The following DGAT2 variants were observed in gnomAD, a reference collection of about 807,000 sequenced individuals.
DGAT2 encodes the protein acyl-CoA retinol O-fatty-acyltransferase.
A neutral mutation model predicts 48.4 loss-of-function variants in DGAT2; 33 were observed. The observed-to-expected ratio is 0.68, with a 90% confidence interval of 0.52 to 0.91. The LOEUF (loss-of-function observed/expected upper bound fraction) is 0.91. Among genes scored for constraint, DGAT2 ranks in the 40% least tolerant of loss-of-function variants. DGAT2 has a pLI of 0.00. For synonymous variants in DGAT2, 191 were observed against 194.1 expected (o/e 0.98, Z 0.13); for missense variants, 446 against 493.7 (o/e 0.90, Z 0.92).
intron 1 of DGAT2, among the ~76,000 whole-genome samples, chr11:75,778,833 CAAAA>C (rs746636359): frequency 1.2e-4 from 8 of 68,462 alleles, no homozygotes; most frequent in African/African-American, 2.3e-4. Flanking sequence ...GACTCCGTCT[CAAAA>C]AAAAAAAAAA....
intron 1 of DGAT2, among the ~76,000 whole-genome samples, chr11:75,780,800 A>T (rs976462790): frequency 6.6e-6 from 1 of 152,238 alleles, no homozygotes; most frequent in East Asian, 1.9e-4. Flanking sequence ...CGGTATCACC[A>T]TCAAAATAGG....
At chr11:75,799,518 G>A (rs529163650) in intron 7 of DGAT2, among the ~76,000 whole-genome samples, 18 of 152,268 alleles carry the variant, frequency 1.2e-4, no homozygotes, top group African/African-American at 4.1e-4. Context: ...AATGGATTGG[G>A]TATGGAGATG....
At chr11:75,795,191 A>G (rs1341642246) in intron 4 of DGAT2, 2 of 151,534 alleles carry the variant, frequency 1.3e-5, no homozygotes, top group Non-Finnish European at 2.9e-5. Flanking sequence ...TGCCCAGTTA[A>G]TTTCTGTATT....
intron 6 of DGAT2, 34 bp from the exon 7 acceptor site, chr11:75,798,193 T>C (rs1256016243): frequency 6.2e-7 from 1 of 1,604,786 alleles, no homozygotes; most frequent in African/African-American, 1.3e-5. Flanking sequence ...AGCCAGTAAG[T>C]AGGGTATGAC....
Position 75,769,016 on chromosome 11 carries a change from T to C in DGAT2, c.25T>C (p.Ser9Pro). The C allele has an allele frequency of 6.3e-7, 1 of 1,574,902 alleles. No individual in the cohort carries two copies. The highest frequency in any genetic ancestry group is 8.6e-7 in the Non-Finnish European group (1 of 1,163,178). MKTLIAAY[S>P]GVLRGERQAE... ...CATGAAGACCCTCATAGCCGCCTAC[T>C]CCGGGGTCCTGCGCGGCGAGCGTCA... The change falls in exon 1 of 8, where the codon TCC becomes CCC. Residue 9 changes from serine to proline, a missense_variant. By Grantham distance (74) the Ser-to-Pro change is moderately conservative. Coordinates refer to ENST00000228027, the MANE Select transcript of DGAT2 (RefSeq NM_032564.5).
intron 4 of DGAT2, among the ~76,000 whole-genome samples, chr11:75,791,744 C>G (rs1010489076): frequency 2.0e-5 from 3 of 152,210 alleles, no homozygotes; most frequent in African/African-American, 7.2e-5. Flanking sequence ...TGCTGGAGAT[C>G]TCAGTTTAAG....
At chr11:75,790,354 C>T in intron 3 of DGAT2, 59 bp downstream of exon 3, 1 of 1,389,742 alleles carries the variant, frequency 7.2e-7, no homozygotes, top group South Asian at 1.2e-5. Context: ...TCCCCCTGCA[C>T]AAGCTGAAGG....
intron 1 of DGAT2, chr11:75,776,046 T>C (rs1944800421): frequency 6.6e-6 from 1 of 152,116 alleles, no homozygotes; most frequent in Non-Finnish European, 1.5e-5. Context: ...TGAATGTTAG[T>C]GTTTGGGTTC....
At chr11:75,777,969 T>A (rs1944818622) in intron 1 of DGAT2, among the ~76,000 whole-genome samples, 1 of 152,028 alleles carries the variant, frequency 6.6e-6, no homozygotes, top group African/African-American at 2.4e-5. Context: ...AACTTAACTT[T>A]AGCCAGTCTG....
intron 1 of DGAT2, among the ~76,000 whole-genome samples, chr11:75,777,815 C>A (rs1036871057): frequency 2.0e-5 from 3 of 152,218 alleles, no homozygotes; most frequent in African/African-American, 7.2e-5. Flanking sequence ...GGCCTCCTCT[C>A]CATAGGCCAG....
intron 2 of DGAT2, among the ~76,000 whole-genome samples, chr11:75,785,191 G>A (rs747829833): frequency 7.2e-5 from 11 of 152,196 alleles, no homozygotes; most frequent in Non-Finnish European, 4.4e-5. Context: ...CAAGCTCTGT[G>A]ACCTTACACA....
At chr11:75,784,491 T>A in intron 1 of DGAT2, 127 bp from the exon 2 acceptor site, 1 of 1,317,424 alleles carries the variant, frequency 7.6e-7, no homozygotes. Context: ...AACCCAGGTC[T>A]GTCTGATTCT....
rs923881086 is a variant in DGAT2 at position 75,798,047 on chromosome 11, G to A, written c.810-180G>A. Among the ~76,000 whole-genome samples the A allele has an allele frequency of 3.9e-5, 6 of 152,326 alleles. No individual in the cohort carries two copies. In the South Asian group the frequency reaches 1.2e-3, roughly 32 times the overall value. The stretch of plus-strand genomic sequence containing the variant: ...GATATGCTCCCCAGTCCCTAGCAGT[G>A]GGGCAGAAGGCCCATCAGAACCTGG... On this transcript the variant is annotated intron_variant, in intron 6 of 7. Transcript: ENST00000228027.
intron 1 of DGAT2, among the ~76,000 whole-genome samples, chr11:75,771,074 A>G (rs751542771): frequency 6.6e-6 from 1 of 152,166 alleles, no homozygotes; most frequent in African/African-American, 2.4e-5. Context: ...CGTCAGTGAC[A>G]GTATTCAAGT....
At chr11:75,772,762 A>G (rs976707075) in intron 1 of DGAT2, among the ~76,000 whole-genome samples, 6 of 152,118 alleles carry the variant, frequency 3.9e-5, no homozygotes, top group African/African-American at 1.2e-4. Context: ...CCAAAGTGGG[A>G]GGATCACTTG....
At chr11:75,785,562 G>A (rs1257632860) in intron 2 of DGAT2, among the ~76,000 whole-genome samples, 1 of 152,228 alleles carries the variant, frequency 6.6e-6, no homozygotes, top group Non-Finnish European at 1.5e-5. Flanking sequence ...CTGAGGGGAG[G>A]GAAGAAGCCT....
intron 2 of DGAT2, 125 bp from the exon 3 acceptor site, chr11:75,790,063 G>T: frequency 1.4e-6 from 1 of 719,574 alleles, no homozygotes; most frequent in East Asian, 2.5e-5. Context: ...AGGGTTTGTG[G>T]GCCCCATGCC....
At chr11:75,779,880 G>A (rs1039471559) in intron 1 of DGAT2, among the ~76,000 whole-genome samples, 1 of 152,198 alleles carries the variant, frequency 6.6e-6, no homozygotes, top group South Asian at 2.1e-4. Context: ...CTGCCAGGCA[G>A]CCCAGTCTAA....
rs749132730 is a variant in DGAT2, at chr11:75,768,948, G to A, written c.-44G>A. ...CCGGGGCATGGGCCAGGGGCGCGGGGTGAAGCGGCTTCCCGCGGGGCCGTG... is the reference window on the plus strand; with the variant it reads ...CCGGGGCATGGGCCAGGGGCGCGGGATGAAGCGGCTTCCCGCGGGGCCGTG... On this transcript the variant is annotated 5_prime_UTR_variant, in exon 1 of 8. In the 5' UTR this introduces an upstream ATG that the reference lacks. Coordinates refer to ENST00000228027, the MANE Select transcript of DGAT2 (RefSeq NM_032564.5). The A allele has an allele frequency of 7.0e-7, 1 of 1,436,400 alleles. No homozygotes were observed. Among genetic ancestry groups the A allele is most frequent in the Non-Finnish European group, 9.1e-7 (1 of 1,096,820 alleles). The allele number at this position is 1,436,400 out of a possible 1,614,324, so 89.0% of individuals were successfully genotyped here. A position where few individuals can be genotyped will look rare whatever the true frequency, so the allele number is the denominator to read the frequency against.
Sources: gnomAD v4.1 joint callset for allele counts (sites outside exome capture counted in the v4.1 genomes callset) on GRCh38, gnomAD v4.1.1 for gene constraint, MANE v1.5 for transcripts, NCBI Gene and HGNC (gene_info 2026-07-23, HGNC 2026-07-21) for gene names.